TCOF1: variants seen among roughly 807,000 people sequenced by gnomAD.
TCOF1 encodes the protein treacle protein.
Under a neutral mutation model 149.0 loss-of-function variants are expected in TCOF1, and 33 were observed. The observed-to-expected ratio is 0.22, with a 90% CI of 0.17 to 0.30. The LOEUF (loss-of-function observed/expected upper bound fraction) is 0.30. Among genes scored for constraint, TCOF1 ranks in the 10% least tolerant of loss-of-function variants. TCOF1 has a pLI of 1.00. For synonymous variants in TCOF1, 789 were observed against 738.8 expected, an observed-to-expected ratio of 1.07 and a Z score of -1.10; for missense variants, 1,728 against 1,840.7, an observed-to-expected ratio of 0.94 and a Z score of 1.12.
chr5:150,388,666 A>G (rs894844853), intron 18 of TCOF1, among the ~76,000 whole-genome samples: 4 of 152,224 alleles, frequency 2.6e-5, no homozygotes, highest in Non-Finnish European at 4.4e-5. Context: ...AGACGGGTGC[A>G]GTGGCTCACG....
intron 17 of TCOF1, among the ~76,000 whole-genome samples, chr5:150,386,870 A>G (rs1037939636): frequency 3.3e-5 from 5 of 152,242 alleles, no homozygotes; most frequent in Admixed American, 1.3e-4. Flanking sequence ...GTTCAAAACC[A>G]GACTGGCCTG....
chr5:150,375,693 T>C, intron 11 of TCOF1, 28 bp from the exon 12 acceptor site: 1 of 1,614,118 alleles, frequency 6.2e-7, no homozygotes, highest in Non-Finnish European at 8.5e-7. Flanking sequence ...CTGGGCTCCC[T>C]CTCCCGATCC....
Position 150,393,883 on chromosome 5 carries a change from C to T in TCOF1, c.3784+331C>T, listed in dbSNP as rs561513885. On this transcript the variant is annotated intron_variant, in intron 23 of 26. Transcript: ENST00000643257. ...TTTAATTAGCCGGTGTGATGGTGCA[C>T]GCTTGTAGTCCCAATTACTTGAGAG... The T allele has an allele frequency of 1.1e-4, 40 of 363,804 alleles. No individual in the cohort carries two copies. In the East Asian group the frequency reaches 1.9e-3, roughly 17 times the overall value. The allele number at this position is 363,804 out of a possible 1,614,324, so 22.5% of individuals were successfully genotyped here. A position where few individuals can be genotyped will look rare whatever the true frequency, so the allele number is the denominator to read the frequency against.
At position 150,364,194 on chromosome 5, in the gene TCOF1, C is replaced by G. The variant is rs1401246590; in HGVS notation, c.246C>G (p.Ile82Met). 2 of 1,614,048 alleles carry G rather than the reference C, an allele frequency of 1.2e-6. No individual in the cohort carries two copies. Among genetic ancestry groups the G allele is most frequent in the Admixed American group, 1.7e-5 (1 of 59,996 alleles). Residue 82 changes from isoleucine (I) to methionine (M), a missense_variant, in exon 3 of 27, where the codon ATC becomes ATG. This residue lies in a region of TCOF1 where 1,696 missense variants were observed against 1,765.4 expected (regional missense o/e 0.96). Transcript: ENST00000643257. Reference sequence around the variant, plus strand: ...AGAAAACCCGTGTGTCAGACCCCATCAGCACCTCGGAGAGCTCGGAAGAGG... The same window carrying G: ...AGAAAACCCGTGTGTCAGACCCCATGAGCACCTCGGAGAGCTCGGAAGAGG... The part of the protein sequence containing the change: ...QAKKTRVSDP[I>M]STSESSEEEE...
At chr5:150,389,254 C>T (rs1048040178) in intron 18 of TCOF1, among the ~76,000 whole-genome samples, 2 of 152,076 alleles carry the variant, frequency 1.3e-5, no homozygotes, top group Admixed American at 6.6e-5. Flanking sequence ...TTTATAAAAA[C>T]CTAAAATATA....
chr5:150,385,958 G>A (rs907525469), intron 17 of TCOF1, among the ~76,000 whole-genome samples: 2 of 152,186 alleles, frequency 1.3e-5, no homozygotes, highest in Non-Finnish European at 2.9e-5. Context: ...TCCAGTGAAT[G>A]AGCCCAGGCT....
intron 3 of TCOF1, among the ~76,000 whole-genome samples, chr5:150,367,002 C>T (rs1581058370): frequency 6.6e-6 from 1 of 151,880 alleles, no homozygotes; most frequent in East Asian, 2.0e-4. Flanking sequence ...GGAGACAATA[C>T]CCTGGTATAA....
At chr5:150,375,627 C>T (rs959173776) in intron 11 of TCOF1, 73 bp downstream of exon 11, 7 of 1,611,758 alleles carry the variant, frequency 4.3e-6, no homozygotes, top group African/African-American at 2.7e-5. Context: ...GCCTCCCAAC[C>T]TCACACTGGG....
intron 17 of TCOF1, among the ~76,000 whole-genome samples, chr5:150,385,941 G>A (rs1341574147): frequency 1.3e-5 from 2 of 152,130 alleles, no homozygotes; most frequent in Non-Finnish European, 2.9e-5. Flanking sequence ...CAGTGCATTG[G>A]AACCCCTCCA....
chr5:150,383,898 T>C (rs1765747551), intron 17 of TCOF1: 1 of 1,528,370 alleles, frequency 6.5e-7, no homozygotes, highest in East Asian at 2.5e-5. Flanking sequence ...CTTCCTGTAC[T>C]CCAGAGGCCC....
At chr5:150,362,887 A>T (rs1240795376) in intron 2 of TCOF1, among the ~76,000 whole-genome samples, 1 of 152,208 alleles carries the variant, frequency 6.6e-6, no homozygotes, top group African/African-American at 2.4e-5. Context: ...TGAGGGGGAC[A>T]AGGACCTCAA....
chr5:150,388,234 C>A, intron 18 of TCOF1, 146 bp downstream of exon 18: 1 of 1,097,808 alleles, frequency 9.1e-7, no homozygotes, highest in Non-Finnish European at 1.3e-6. Context: ...CCTGCATTAG[C>A]CATTCTGATT....
chr5:150,379,178 C>T, intron 15 of TCOF1, 51 bp from the exon 16 acceptor site: 1 of 1,614,006 alleles, frequency 6.2e-7, no homozygotes, highest in Non-Finnish European at 8.5e-7. Context: ...GGGAGTGGGA[C>T]CTGAAAGGAA....
chr5:150,385,171 T>G, intron 17 of TCOF1: 1 of 861,416 alleles, frequency 1.2e-6, no homozygotes, highest in Non-Finnish European at 1.4e-6. Context: ...CACTTGTCGG[T>G]AATATTTTTT....
intron 17 of TCOF1, chr5:150,380,654 A>G (rs536624864): frequency 2.1e-4 from 32 of 152,294 alleles, no homozygotes; most frequent in African/African-American, 6.5e-4. Context: ...TAGGATGACA[A>G]ACTCCAGCAC....
chr5:150,382,820 C>T (rs545774762), intron 17 of TCOF1, among the ~76,000 whole-genome samples: 3 of 152,342 alleles, frequency 2.0e-5, no homozygotes, highest in South Asian at 2.1e-4. Context: ...TTAGCTGCAT[C>T]GGAGTCATAA....
intron 17 of TCOF1, chr5:150,385,208 C>A: frequency 1.7e-6 from 1 of 576,360 alleles, no homozygotes; most frequent in Non-Finnish European, 2.2e-6. Context: ...ATTAGTTTGT[C>A]AAAGACGTAG....
At chr5:150,397,654 G>A (rs988910771) in intron 24 of TCOF1, among the ~76,000 whole-genome samples, 16 of 152,106 alleles carry the variant, frequency 1.1e-4, no homozygotes, top group African/African-American at 3.9e-4. Context: ...AGTGACGCCC[G>A]AAGAGCCAGC....
chr5:150,384,689 CAGAAA>C (rs1215732088), intron 17 of TCOF1: 66 of 985,328 alleles, frequency 6.7e-5, no homozygotes, highest in Non-Finnish European at 8.0e-5. Flanking sequence ...ATTTAAAAAG[CAGAAA>C]AGAAGTCAGC....
Sources: gnomAD v4.1 joint callset for allele counts (sites outside exome capture counted in the v4.1 genomes callset) on GRCh38, gnomAD v4.1.1 for gene constraint, gnomAD v4.1.1 regional missense constraint, MANE v1.5 for transcripts, NCBI Gene and HGNC (gene_info 2026-07-23, HGNC 2026-07-21) for gene names.